The following CALN1 variants were observed in gnomAD, a reference collection of about 807,000 sequenced individuals.
CALN1 encodes calneuron 1, also known as calcium-binding protein 8.
Under a neutral mutation model 30.6 loss-of-function variants are expected in CALN1, and 17 were observed. The ratio of observed to expected loss-of-function variants is 0.56; its 90% CI spans 0.38 to 0.83. The LOEUF (loss-of-function observed/expected upper bound fraction) is 0.83. Ranked by LOEUF, CALN1 falls within the 40% of genes least tolerant of loss-of-function variation. The probability of loss-of-function intolerance (pLI) is 0.00; values close to 1 mark genes in which losing one functional copy is unlikely to be tolerated. For synonymous variants in CALN1, 156 were observed against 131.4 expected (o/e 1.19, Z -1.28); for missense variants, 291 against 354.9 (o/e 0.82, Z 1.45).
intron 2 of CALN1, among the ~76,000 whole-genome samples, chr7:72,333,878 G>A (rs1801832503): frequency 6.6e-6 from 1 of 152,118 alleles, no homozygotes. Context: ...TGCTGACCTA[G>A]ATTCACTCAA....
chr7:72,336,184 G>A (rs1189026790), intron 2 of CALN1, among the ~76,000 whole-genome samples: 2 of 152,224 alleles, frequency 1.3e-5, no homozygotes, highest in South Asian at 2.1e-4. Flanking sequence ...AGGGGCCGGA[G>A]GTGGAGAGAA....
At chr7:71,853,537 T>G (rs1195974234) in intron 5 of CALN1, among the ~76,000 whole-genome samples, 1 of 152,100 alleles carries the variant, frequency 6.6e-6, no homozygotes, top group East Asian at 1.9e-4. Flanking sequence ...TTTGAAATTA[T>G]TTTTCCTGTT....
chr7:72,266,301 T>C (rs566396887), intron 3 of CALN1, among the ~76,000 whole-genome samples: 1 of 152,304 alleles, frequency 6.6e-6, no homozygotes, highest in East Asian at 1.9e-4. Context: ...TGAGGTAAGG[T>C]TGAAAGCCAC....
intron 4 of CALN1, among the ~76,000 whole-genome samples, chr7:72,094,824 C>A (rs896416664): frequency 6.6e-6 from 1 of 152,168 alleles, no homozygotes; most frequent in African/African-American, 2.4e-5. Flanking sequence ...AGACTGTCTT[C>A]AATTCACATC....
At chr7:72,042,067 C>G (rs1802165461) in intron 4 of CALN1, among the ~76,000 whole-genome samples, 1 of 152,192 alleles carries the variant, frequency 6.6e-6, no homozygotes, top group Non-Finnish European at 1.5e-5. Context: ...CTTGTCCTGA[C>G]AGCAGCACCA....
the CALN1 span, among the ~76,000 whole-genome samples, chr7:72,487,762 G>GAAGGAAGGAAGGAAGGGAAGGAA: frequency 1.0e-5 from 1 of 98,468 alleles, no homozygotes; most frequent in African/African-American, 4.7e-5. Flanking sequence ...AGGAAGGAAG[G>GAAGGAAGGAAGGAAGGGAAGGAA]GTAAAGAAAG....
intron 2 of CALN1, among the ~76,000 whole-genome samples, chr7:72,390,442 A>G (rs1214649408): frequency 6.6e-6 from 1 of 152,186 alleles, no homozygotes; most frequent in East Asian, 1.9e-4. Context: ...AAAAGTAAAA[A>G]TTAAAAAAAT....
intron 3 of CALN1, among the ~76,000 whole-genome samples, chr7:72,276,038 G>C (rs1197922795): frequency 2.6e-5 from 4 of 152,202 alleles, no homozygotes; most frequent in Non-Finnish European, 1.5e-5. Context: ...GCAAAGTTGG[G>C]AAGGAGGAAG....
At chr7:72,475,941 C>CTTTTTTTT in the CALN1 span, among the ~76,000 whole-genome samples, 6 of 75,850 alleles carry the variant, frequency 7.9e-5, no homozygotes, top group Non-Finnish European at 1.1e-4. Flanking sequence ...CTCTCTCTCT[C>CTTTTTTTT]TTTTTTTTTT....
At chr7:72,167,996 A>G (rs1198439730) in intron 3 of CALN1, among the ~76,000 whole-genome samples, 1 of 152,222 alleles carries the variant, frequency 6.6e-6, no homozygotes, top group Non-Finnish European at 1.5e-5. Flanking sequence ...AAGCTTATAC[A>G]GTAGCTGTGA....
intron 5 of CALN1, among the ~76,000 whole-genome samples, chr7:71,854,188 G>A (rs376643063): frequency 5.3e-5 from 8 of 152,166 alleles, no homozygotes; most frequent in African/African-American, 1.7e-4. Context: ...CATTGACAGT[G>A]TGTGTTCCTG....
At chr7:72,475,370 A>G in the CALN1 span, among the ~76,000 whole-genome samples, 2 of 152,152 alleles carry the variant, frequency 1.3e-5, no homozygotes, top group Admixed American at 6.5e-5. Flanking sequence ...CAGGAGAATC[A>G]CTTGAACCCA....
intron 5 of CALN1, among the ~76,000 whole-genome samples, chr7:71,988,392 T>C (rs1365452774): frequency 6.6e-6 from 1 of 152,150 alleles, no homozygotes; most frequent in Admixed American, 6.5e-5. Context: ...GCGCGCATCC[T>C]GCCAGGCACA....
At chr7:72,138,707 T>C (rs11772246) in intron 3 of CALN1, among the ~76,000 whole-genome samples, 24,720 of 152,184 alleles carry the variant, frequency 0.16, 2,459 homozygotes, top group East Asian at 0.29. Context: ...AACATGAAAA[T>C]TGGTTTCACG....
At chr7:72,369,835 T>G (rs935272203) in intron 2 of CALN1, among the ~76,000 whole-genome samples, 1 of 152,204 alleles carries the variant, frequency 6.6e-6, no homozygotes, top group Non-Finnish European at 1.5e-5. Context: ...TTCCATTGTA[T>G]GAATACACCA....
the CALN1 span, among the ~76,000 whole-genome samples, chr7:72,486,313 G>A: frequency 6.6e-6 from 1 of 152,108 alleles, no homozygotes; most frequent in East Asian, 1.9e-4. Context: ...TCAATAAAAA[G>A]GCTGTAGTAA....
At chr7:71,976,837 G>A (rs527840239) in intron 5 of CALN1, among the ~76,000 whole-genome samples, 1 of 152,288 alleles carries the variant, frequency 6.6e-6, no homozygotes, top group Non-Finnish European at 1.5e-5. Flanking sequence ...GCCTGCTGAT[G>A]TCACAACCTG....
intron 5 of CALN1, among the ~76,000 whole-genome samples, chr7:71,909,975 A>G (rs1437699442): frequency 6.6e-6 from 1 of 152,182 alleles, no homozygotes; most frequent in African/African-American, 2.4e-5. Context: ...GGTGTAAGGT[A>G]AAGGAGAAGC....
At chr7:71,803,603 T>A (rs1003716156) in intron 6 of CALN1, among the ~76,000 whole-genome samples, 17 of 152,244 alleles carry the variant, frequency 1.1e-4, no homozygotes, top group Admixed American at 3.3e-4. Flanking sequence ...GCCTCCTGAG[T>A]AGCTGGGATT....
Sources: gnomAD v4.1 joint callset for allele counts (sites outside exome capture counted in the v4.1 genomes callset) on GRCh38, gnomAD v4.1.1 for gene constraint, MANE v1.5 for transcripts, NCBI Gene and HGNC (gene_info 2026-07-23, HGNC 2026-07-21) for gene names.